The following EDIL3 variants were observed in gnomAD, a reference collection of about 807,000 sequenced individuals.
The protein encoded by EDIL3 is EGF like and discoidin domains 3.
Under a neutral mutation model 67.4 loss-of-function variants are expected in EDIL3, and 37 were observed. That is an observed-to-expected ratio of 0.55 (90% CI 0.42 to 0.72). The LOEUF (loss-of-function observed/expected upper bound fraction) is 0.72. Among genes scored for constraint, EDIL3 ranks in the 30% least tolerant of loss-of-function variants. EDIL3 has a pLI of 0.00. For missense variants in EDIL3, 527 were observed against 586.3 expected (o/e 0.90, Z 1.04); for synonymous variants, 195 against 196.3 (o/e 0.99, Z 0.05).
intron 3 of EDIL3, among the ~76,000 whole-genome samples, chr5:84,194,944 G>A (rs1418715581): frequency 6.6e-6 from 1 of 151,898 alleles, no homozygotes; most frequent in Non-Finnish European, 1.5e-5. Flanking sequence ...TAATATCACT[G>A]TCTTTGGACA....
chr5:84,094,752 C>A (rs1031212556), intron 6 of EDIL3, among the ~76,000 whole-genome samples: 1 of 152,136 alleles, frequency 6.6e-6, no homozygotes, highest in Non-Finnish European at 1.5e-5. Flanking sequence ...TTTATGCTCA[C>A]TTAATTCCCT....
intron 3 of EDIL3, among the ~76,000 whole-genome samples, chr5:84,214,129 T>G (rs1190241658): frequency 6.6e-6 from 1 of 152,190 alleles, no homozygotes; most frequent in Non-Finnish European, 1.5e-5. Context: ...CTACCAGTTA[T>G]TACTAACAAT....
chr5:84,207,811 T>A (rs1217840270), intron 3 of EDIL3, among the ~76,000 whole-genome samples: 1 of 151,130 alleles, frequency 6.6e-6, no homozygotes, highest in African/African-American at 2.4e-5. Flanking sequence ...ATTCCCTATT[T>A]AATAAATGGT....
chr5:84,318,171 T>C (rs868754849), intron 1 of EDIL3, among the ~76,000 whole-genome samples: 6 of 152,202 alleles, frequency 3.9e-5, no homozygotes, highest in Middle Eastern at 3.4e-3. Context: ...CACAAACAAA[T>C]GGAAGAATAT....
chr5:84,360,812 C>T (rs1382779223), intron 1 of EDIL3, among the ~76,000 whole-genome samples: 1 of 152,032 alleles, frequency 6.6e-6, no homozygotes, highest in Non-Finnish European at 1.5e-5. Context: ...AAATATATTG[C>T]TAGTATTGGC....
At chr5:83,955,455 A>G (rs1242745837) in intron 10 of EDIL3, among the ~76,000 whole-genome samples, 1 of 151,618 alleles carries the variant, frequency 6.6e-6, no homozygotes. Flanking sequence ...ATATTGTTTC[A>G]AACTTTAAGG....
chr5:84,113,600 A>G (rs780589677), intron 5 of EDIL3, among the ~76,000 whole-genome samples: 1 of 152,196 alleles, frequency 6.6e-6, no homozygotes, highest in Non-Finnish European at 1.5e-5. Flanking sequence ...TCTCTGGAGT[A>G]TGGCAAAGAA....
chr5:84,268,209 T>C (rs1330278608), intron 1 of EDIL3, among the ~76,000 whole-genome samples: 1 of 152,090 alleles, frequency 6.6e-6, no homozygotes, highest in East Asian at 1.9e-4. Flanking sequence ...CCTTTGATAA[T>C]GATCCTATCT....
intron 9 of EDIL3, among the ~76,000 whole-genome samples, chr5:84,024,910 A>G (rs1218780990): frequency 6.6e-6 from 1 of 152,064 alleles, no homozygotes; most frequent in Admixed American, 6.6e-5. Flanking sequence ...AAGAGCCAAC[A>G]TGACAACGCT....
chr5:84,134,216 T>A (rs1040071316), intron 5 of EDIL3, among the ~76,000 whole-genome samples: 1 of 152,182 alleles, frequency 6.6e-6, no homozygotes, highest in Non-Finnish European at 1.5e-5. Flanking sequence ...CAAGGTAATA[T>A]CTCAACAAAA....
intron 1 of EDIL3, among the ~76,000 whole-genome samples, chr5:84,306,851 C>A (rs958003051): frequency 1.2e-4 from 19 of 152,224 alleles, no homozygotes; most frequent in African/African-American, 4.6e-4. Flanking sequence ...CCCACCTTCA[C>A]TACTCACCAG....
intron 1 of EDIL3, among the ~76,000 whole-genome samples, chr5:84,278,704 A>G (rs954750358): frequency 1.3e-5 from 2 of 152,208 alleles, no homozygotes; most frequent in South Asian, 4.1e-4. Context: ...AGAATAGTGC[A>G]GATTGCCAAT....
chr5:84,110,741 A>G (rs559004658), intron 5 of EDIL3, among the ~76,000 whole-genome samples: 8 of 152,266 alleles, frequency 5.3e-5, no homozygotes, highest in Admixed American at 3.9e-4. Flanking sequence ...TCAAAATTTG[A>G]CTCGGATCTT....
At chr5:84,033,437 T>C (rs920237035) in intron 9 of EDIL3, among the ~76,000 whole-genome samples, 8 of 152,156 alleles carry the variant, frequency 5.3e-5, no homozygotes, top group Admixed American at 3.9e-4. Context: ...AGGCCAGGCA[T>C]AGTGGCTCAT....
intron 5 of EDIL3, among the ~76,000 whole-genome samples, chr5:84,110,743 T>C (rs577265392): frequency 6.6e-6 from 1 of 152,344 alleles, no homozygotes; most frequent in South Asian, 2.1e-4. Context: ...AAAATTTGAC[T>C]CGGATCTTTT....
chr5:84,167,498 C>T (rs994708846), intron 4 of EDIL3, among the ~76,000 whole-genome samples: 1 of 152,104 alleles, frequency 6.6e-6, no homozygotes, highest in African/African-American at 2.4e-5. Flanking sequence ...TCAATCCTCT[C>T]TACTGCCTAA....
intron 9 of EDIL3, among the ~76,000 whole-genome samples, chr5:84,057,616 T>G (rs555295666): frequency 6.6e-6 from 1 of 152,288 alleles, no homozygotes; most frequent in African/African-American, 2.4e-5. Context: ...ATTATAAAAA[T>G]TTAGTTTCCT....
chr5:84,328,946 T>A (rs1030905172), intron 1 of EDIL3, among the ~76,000 whole-genome samples: 1 of 152,050 alleles, frequency 6.6e-6, no homozygotes, highest in Non-Finnish European at 1.5e-5. Context: ...AGAACCACAG[T>A]TTTTTGCCAC....
intron 9 of EDIL3, among the ~76,000 whole-genome samples, chr5:84,012,625 T>G (rs1745536645): frequency 6.6e-6 from 1 of 152,178 alleles, no homozygotes; most frequent in African/African-American, 2.4e-5. Context: ...AACTTTGTAT[T>G]TTAGTAAATT....
Sources: allele counts gnomAD v4.1 joint callset (sites outside exome capture counted in the v4.1 genomes callset), GRCh38; gene constraint gnomAD v4.1.1; transcripts MANE v1.5; gene names NCBI Gene and HGNC (gene_info 2026-07-23, HGNC 2026-07-21).